The following MTUS2 variants were observed in gnomAD, a reference collection of about 807,000 sequenced individuals.
The protein encoded by MTUS2 is microtubule associated scaffold protein 2, also known as microtubule-associated tumor suppressor candidate 2.
In MTUS2, 40 loss-of-function variants were observed where a neutral mutation model predicts 114.1. The observed-to-expected ratio is 0.35, with a 90% confidence interval of 0.27 to 0.46. The LOEUF (loss-of-function observed/expected upper bound fraction) is 0.46, where lower values mean the gene tolerates loss of function less well. Among genes scored for constraint, MTUS2 ranks in the 20% least tolerant of loss-of-function variants. The probability of loss-of-function intolerance (pLI) is 1.00; values close to 1 mark genes in which losing one functional copy is unlikely to be tolerated. For missense variants in MTUS2, 1,679 were observed against 1,705.4 expected (o/e 0.98, Z 0.27); for synonymous variants, 688 against 672.0 (o/e 1.02, Z -0.37).
chr13:29,197,635 A>G (rs1180242411), intron 5 of MTUS2, among the ~76,000 whole-genome samples: 1 of 152,172 alleles, frequency 6.6e-6, no homozygotes, highest in Non-Finnish European at 1.5e-5. Flanking sequence ...AGGAATCACC[A>G]CACTGTTCCA....
At chr13:28,869,865 A>C (rs757111359) in intron 2 of MTUS2, among the ~76,000 whole-genome samples, 3 of 152,118 alleles carry the variant, frequency 2.0e-5, no homozygotes, top group Non-Finnish European at 2.9e-5. Context: ...GTAATACATA[A>C]ATTTTTGTTA....
chr13:29,157,256 A>ACACCTCTAC, intron 5 of MTUS2, among the ~76,000 whole-genome samples: 1 of 152,308 alleles, frequency 6.6e-6, no homozygotes, highest in African/African-American at 2.4e-5. Context: ...GGTCATGTGC[A>ACACCTCTAC]CACCTCTACC....
chr13:29,312,198 G>A (rs1375216532), intron 6 of MTUS2, among the ~76,000 whole-genome samples: 1 of 152,138 alleles, frequency 6.6e-6, no homozygotes, highest in Admixed American at 6.5e-5. Context: ...CCAAACCTCT[G>A]GGCTGGTGCT....
chr13:29,173,130 T>C (rs1037084313), intron 5 of MTUS2, among the ~76,000 whole-genome samples: 2 of 152,164 alleles, frequency 1.3e-5, no homozygotes, highest in Non-Finnish European at 2.9e-5. Context: ...TAATAACTTA[T>C]TTTTCTTTTC....
intron 8 of MTUS2, among the ~76,000 whole-genome samples, chr13:29,433,044 C>T (rs7325780): frequency 0.82 from 124,013 of 151,736 alleles, 51,155 homozygotes; most frequent in African/African-American, 0.87. Context: ...ATTCTCCCTT[C>T]TCCTGCACTT....
chr13:29,033,918 TCTC>T lies in MTUS2; in HGVS notation c.2244_2246del (p.Pro749del), dbSNP rs756396222. On this transcript the variant is annotated inframe_deletion, in exon 4 of 16. Transcript: ENST00000612955. The stretch of plus-strand genomic sequence containing the variant: ...CCACCCTGGAAAAGAAGAGTTTTGT[TCTC>T]CTCCCTATGCTCATTATGAAGTCCC... 11 of 1,613,936 alleles carry T rather than the reference TCTC, an allele frequency of 6.8e-6. No homozygotes were observed. The highest frequency in any genetic ancestry group is 1.3e-5 in the African/African-American group (1 of 75,042).
At chr13:29,109,147 G>A (rs966349890) in intron 5 of MTUS2, among the ~76,000 whole-genome samples, 4 of 152,054 alleles carry the variant, frequency 2.6e-5, no homozygotes, top group South Asian at 2.1e-4. Context: ...TTAGACAACC[G>A]TTCTTCTTCT....
intron 1 of MTUS2, among the ~76,000 whole-genome samples, chr13:28,829,289 G>A (rs1316060967): frequency 6.6e-6 from 1 of 152,050 alleles, no homozygotes; most frequent in East Asian, 1.9e-4. Context: ...ACTTAGAGAG[G>A]CTGAGACAGG....
At chr13:29,468,021 A>C (rs1192034924) in intron 9 of MTUS2, among the ~76,000 whole-genome samples, 1 of 151,920 alleles carries the variant, frequency 6.6e-6, no homozygotes, top group Non-Finnish European at 1.5e-5. Context: ...GTGGGAGATG[A>C]GGTGGGAGGA....
intron 15 of MTUS2, 84 bp downstream of exon 15, chr13:29,501,278 C>T: frequency 9.9e-7 from 1 of 1,011,436 alleles, no homozygotes; most frequent in Non-Finnish European, 1.5e-6. Flanking sequence ...TCACTCTGGC[C>T]TGTGAGTCTT....
chr13:28,848,112 A>G (rs1876010266), intron 2 of MTUS2, among the ~76,000 whole-genome samples: 1 of 152,126 alleles, frequency 6.6e-6, no homozygotes, highest in South Asian at 2.1e-4. Flanking sequence ...GGATATATAT[A>G]TATATATTGA....
intron 6 of MTUS2, among the ~76,000 whole-genome samples, chr13:29,291,422 A>G (rs1043218740): frequency 1.3e-5 from 2 of 152,206 alleles, no homozygotes; most frequent in Admixed American, 6.5e-5. Flanking sequence ...CGTTGTATAC[A>G]TTTTTGCATC....
chr13:29,395,029 A>G (rs946024654), intron 8 of MTUS2, among the ~76,000 whole-genome samples: 1 of 152,170 alleles, frequency 6.6e-6, no homozygotes, highest in Admixed American at 6.5e-5. Flanking sequence ...CCCACAAGAG[A>G]CAGCTTTGCA....
chr13:28,952,911 G>A (rs758290121), intron 2 of MTUS2, among the ~76,000 whole-genome samples: 22 of 152,074 alleles, frequency 1.4e-4, no homozygotes, highest in Non-Finnish European at 2.8e-4. Context: ...TTTTTGTACT[G>A]GTATTTTTAC....
intron 8 of MTUS2, among the ~76,000 whole-genome samples, chr13:29,432,010 ATTTTTTT>A (rs57182093): frequency 9.9e-5 from 8 of 81,060 alleles, no homozygotes; most frequent in Middle Eastern, 7.0e-3. Flanking sequence ...ACGCTCAGCT[ATTTTTTT>A]TTTTTTTTTT....
rs569726482 is a variant in MTUS2, at chr13:28,940,503, CT to C, written c.-242-83953del. ...ACTACTTAGTGGGTTGGAGGTTACCCTGTTACTGGAGTTATCAAACCCAGAC... is the reference window on the plus strand; with the variant it reads ...ACTACTTAGTGGGTTGGAGGTTACCCGTTACTGGAGTTATCAAACCCAGAC... On this transcript the variant is annotated intron_variant, in intron 2 of 15. Coordinates refer to ENST00000612955, the MANE Select transcript of MTUS2 (RefSeq NM_001033602.4). 2.0e-3 allele frequency among the ~76,000 whole-genome samples: 307 copies of C among 152,228 alleles called. 1 individual carries two copies. The highest frequency in any genetic ancestry group is 7.0e-3 in the African/African-American group (289 of 41,542).
chr13:28,916,340 G>A (rs140867892), intron 2 of MTUS2, among the ~76,000 whole-genome samples: 506 of 151,854 alleles, frequency 3.3e-3, no homozygotes, highest in Non-Finnish European at 5.9e-3. Flanking sequence ...GAAAAATGTC[G>A]TTGGTATTTT....
intron 8 of MTUS2, among the ~76,000 whole-genome samples, chr13:29,381,822 A>G (rs1020016951): frequency 7.3e-5 from 11 of 151,226 alleles, no homozygotes; most frequent in African/African-American, 2.7e-4. Flanking sequence ...GAGCCTGGAA[A>G]AATGTACAGA....
intron 2 of MTUS2, among the ~76,000 whole-genome samples, chr13:28,921,668 C>T (rs950358834): frequency 2.0e-5 from 3 of 152,152 alleles, no homozygotes; most frequent in African/African-American, 7.2e-5. Flanking sequence ...GCATTTTGGC[C>T]TGTGCTAGTG....
Sources: gnomAD v4.1 joint callset for allele counts (sites outside exome capture counted in the v4.1 genomes callset) on GRCh38, gnomAD v4.1.1 for gene constraint, MANE v1.5 for transcripts, NCBI Gene and HGNC (gene_info 2026-07-23, HGNC 2026-07-21) for gene names.